The following GP1BA variants were observed in gnomAD, a reference collection of about 807,000 sequenced individuals.
GP1BA encodes the protein platelet glycoprotein Ib alpha chain.
In GP1BA, 3 loss-of-function variants were observed where a neutral mutation model predicts 5.6. The ratio of observed to expected loss-of-function variants is 0.53; its 90% confidence interval spans 0.24 to 1.38. The LOEUF (loss-of-function observed/expected upper bound fraction) is 1.38. GP1BA is among the 40% of genes most tolerant of loss of function. GP1BA has a pLI of 0.16. For synonymous variants in GP1BA, 323 were observed against 358.3 expected (o/e 0.90, Z 1.11); for missense variants, 707 against 801.4 (o/e 0.88, Z 1.42).
In GP1BA at chr17:4,934,719, A is replaced by G. The variant is rs1970397533; in HGVS notation, c.*156A>G. 6.6e-6 allele frequency: 5 copies of G among 752,300 alleles called. No individual in the cohort carries two copies. Among genetic ancestry groups the G allele is most frequent in the Non-Finnish European group, 1.1e-5 (5 of 448,480 alleles). The allele number at this position is 752,300 out of a possible 1,614,324, so 46.6% of individuals were successfully genotyped here. ...CCTGTCTTCACAACACAGGCACACA[A>G]TTTCAGTCCCAGCCAAAGCAGAAGG... On this transcript the variant is annotated 3_prime_UTR_variant, in exon 2 of 2. Transcript: ENST00000329125.
At position 4,934,173 on chromosome 17, in the gene GP1BA, CGACTTT is replaced by C. The variant is rs760957777; in HGVS notation, c.1570_1575del (p.Asp524_Phe525del). The stretch of plus-strand genomic sequence containing the variant: ...CCAGAAATGACCCTTTTCTCCACCC[CGACTTT>C]TGCTGCCTCCTCCCCCTGGGCTTCT... On this transcript the variant is annotated inframe_deletion, in exon 2 of 2. Coordinates refer to ENST00000329125, the MANE Select transcript of GP1BA (RefSeq NM_000173.7). The C allele has an allele frequency of 3.1e-6, 5 of 1,613,916 alleles. No individual in the cohort carries two copies. The South Asian group carries it at 4.4e-5, about 14-fold the overall frequency.
At position 4,932,401 on chromosome 17, in the gene GP1BA, C is replaced by T. The variant is rs1271615715; in HGVS notation, c.-7+36C>T. ...GTTGGTGCTGGGGCAGGAGAGGGGT[C>T]TGAGGGAGGGGAAAGAGCCAAGGAC... is the stretch of plus-strand genomic sequence containing the variant. On this transcript the variant is annotated intron_variant, in intron 1 of 1. Transcript: ENST00000329125. The surrounding 1 kb of genome is among the most constrained non-coding windows in gnomAD (Gnocchi z 4.8). The T allele has an allele frequency of 7.1e-7, 1 of 1,398,726 alleles. No homozygotes were observed. The highest frequency in any genetic ancestry group is 9.3e-7 in the Non-Finnish European group (1 of 1,072,286). The allele number at this position is 1,398,726 out of a possible 1,614,324, so 86.6% of individuals were successfully genotyped here.
rs1212461907 is a variant in GP1BA, at chr17:4,934,699, C to T, written c.*136C>T. On this transcript the variant is annotated 3_prime_UTR_variant, in exon 2 of 2. Transcript: ENST00000329125. ...CCTTTTTCTGTATCAGAAGCCCTGT[C>T]TTCACAACACAGGCACACAATTTCA... is the stretch of plus-strand genomic sequence containing the variant. 8.2e-6 allele frequency: 7 copies of T among 852,110 alleles called. No individual in the cohort carries two copies. The highest frequency in any genetic ancestry group is 1.7e-5 in the African/African-American group (1 of 59,070). The allele number at this position is 852,110 out of a possible 1,614,324, so 52.8% of individuals were successfully genotyped here.
In GP1BA at chr17:4,933,102, G is replaced by A. The variant is rs1416158715; in HGVS notation, c.498G>A (p.Leu166=). The A allele has an allele frequency of 6.2e-7, 1 of 1,613,794 alleles. No homozygotes were observed. The highest frequency in any genetic ancestry group is 1.3e-5 in the African/African-American group (1 of 74,928). Residue 166 remains leucine, a synonymous_variant, in exon 2 of 2, where the codon CTG becomes CTA. Coordinates refer to ENST00000329125, the MANE Select transcript of GP1BA (RefSeq NM_000173.7). ...PPGLLTPTPK[L]EKLSLANNNL... The stretch of plus-strand genomic sequence containing the variant: ...GGCTCCTGACGCCCACACCCAAGCT[G>A]GAGAAGCTCAGTCTGGCTAACAACA...
At position 4,933,867 on chromosome 17, in the gene GP1BA, G is replaced by A. The variant is rs774943025; in HGVS notation, c.1263G>A (p.Pro421=). 27 of 923,824 alleles carry A rather than the reference G, an allele frequency of 2.9e-5. No individual in the cohort carries two copies. The African/African-American group carries it at 3.7e-4, about 13-fold the overall frequency. 57.2% of individuals were successfully genotyped at this position (923,824 alleles called of 1,614,324 possible). ...PEPTSEPAPS[P]TTPEPTSEPA... ...CCACCTCAGAGCCCGCCCCCAGCCCGACCACCCCGGAGCCCACCTCAGAGC... is the reference window on the plus strand; with the variant it reads ...CCACCTCAGAGCCCGCCCCCAGCCCAACCACCCCGGAGCCCACCTCAGAGC... The change falls in exon 2 of 2, where the codon CCG becomes CCA. Residue 421 remains proline, a synonymous_variant. Coordinates refer to ENST00000329125, the MANE Select transcript of GP1BA (RefSeq NM_000173.7).
chr17:4,933,038 T>C lies in GP1BA; in HGVS notation c.434T>C (p.Leu145Pro), dbSNP rs771048666. 4.5e-5 allele frequency: 72 copies of C among 1,613,860 alleles called. No individual in the cohort carries two copies. Among genetic ancestry groups the C allele is most frequent in the African/African-American group, 5.3e-5 (4 of 74,920 alleles). The change falls in exon 2 of 2, where the codon CTC becomes CCC. Residue 145 changes from leucine (L) to proline (P), a missense_variant. By Grantham distance (98) the Leu-to-Pro change is moderately conservative. Around this residue, in one of 3 missense-constraint regions of GP1BA, gnomAD observed 442 missense variants for 498.8 expected, o/e 0.89. Coordinates refer to ENST00000329125, the MANE Select transcript of GP1BA (RefSeq NM_000173.7). ...ALRGLGELQE[L>P]YLKGNELKTL... ...CGTGGTCTTGGCGAACTCCAAGAGC[T>C]CTACCTGAAAGGCAATGAGCTGAAG... is the stretch of plus-strand genomic sequence containing the variant.
In GP1BA at chr17:4,934,118, G is replaced by A. The variant is rs200763874; in HGVS notation, c.1514G>A (p.Arg505His). The change falls in exon 2 of 2, where the codon CGT becomes CAT. Residue 505 changes from arginine to histidine, a missense_variant. Around this residue, in one of 3 missense-constraint regions of GP1BA, gnomAD observed 247 missense variants for 246.6 expected, o/e 1.00. Coordinates refer to ENST00000329125, the MANE Select transcript of GP1BA (RefSeq NM_000173.7). ...GAACTTGATCAGCCACCAAAGCTCC[G>A]TGGGGTGCTCCAAGGGCATTTGGAG... is the stretch of plus-strand genomic sequence containing the variant. ...IPELDQPPKL[R>H]GVLQGHLESS... The A allele has an allele frequency of 1.3e-5, 21 of 1,613,650 alleles. No homozygotes were observed. Among genetic ancestry groups the A allele is most frequent in the African/African-American group, 1.2e-4 (9 of 74,918 alleles).
chr17:4,934,415 C>G lies in GP1BA; in HGVS notation c.1811C>G (p.Thr604Ser). 1 of 1,614,092 alleles carries G rather than the reference C, an allele frequency of 6.2e-7. No individual in the cohort carries two copies. Among genetic ancestry groups the G allele is most frequent in the Non-Finnish European group, 8.5e-7 (1 of 1,179,912 alleles). The change falls in exon 2 of 2, where the codon ACT becomes AGT. Residue 604 changes from threonine (T) to serine (S), a missense_variant. This residue lies in a region of GP1BA where 247 missense variants were observed against 246.6 expected (regional missense o/e 1.00). Transcript: ENST00000329125. ...WLLFLRGSLPTFRSSLFLWVR... is the reference protein window; with the variant it reads ...WLLFLRGSLPSFRSSLFLWVR... ...CTCTTCCTTCGAGGTTCGCTTCCCA[C>G]TTTCCGCTCCAGCCTCTTCCTGTGG...
Position 4,934,648 on chromosome 17 carries a change from C to A in GP1BA, c.*85C>A. ...TTGGGGGTTGGAGGGGTAAGGAACA[C>A]AGGGTGATAGGGAGGGGTCTTAGTT... is the stretch of plus-strand genomic sequence containing the variant. On this transcript the variant is annotated 3_prime_UTR_variant, in exon 2 of 2. Coordinates refer to ENST00000329125, the MANE Select transcript of GP1BA (RefSeq NM_000173.7). The A allele has an allele frequency of 7.7e-7, 1 of 1,303,330 alleles. No homozygotes were observed. Among genetic ancestry groups the A allele is most frequent in the Non-Finnish European group, 1.0e-6 (1 of 979,798 alleles). The allele number at this position is 1,303,330 out of a possible 1,614,324, so 80.7% of individuals were successfully genotyped here. A position where few individuals can be genotyped will look rare whatever the true frequency, so the allele number is the denominator to read the frequency against.
rs1970372281 is a variant in GP1BA, at chr17:4,933,440, G to T, written c.836G>T (p.Gly279Val). 6.2e-7 allele frequency: 1 copy of T among 1,613,784 alleles called. No individual in the cohort carries two copies. The highest frequency in any genetic ancestry group is 1.1e-5 in the South Asian group (1 of 91,092). Residue 279 changes from glycine to valine, a missense_variant, in exon 2 of 2, where the codon GGG becomes GTG. Physicochemically the swap from Gly to Val is moderately radical, Grantham distance 109 (BLOSUM62 -3). Transcript: ENST00000329125. The stretch of plus-strand genomic sequence containing the variant: ...CCCGTCTACAAATACCCAGGAAAGG[G>T]GTGCCCCACCCTTGGTGATGAAGGT... Reference protein sequence around the residue: ...KFPVYKYPGKGCPTLGDEGDT... With the variant: ...KFPVYKYPGKVCPTLGDEGDT...
rs757869690 is a variant in GP1BA, at chr17:4,934,480, A to C, written c.1876A>C (p.Arg626=). The change falls in exon 2 of 2, where the codon AGG becomes CGG. Residue 626 remains arginine (R), a synonymous_variant. Coordinates refer to ENST00000329125, the MANE Select transcript of GP1BA (RefSeq NM_000173.7). ...NGRVGPLVAG[R]RPSALSQGRG... The stretch of plus-strand genomic sequence containing the variant: ...CCGTGTGGGGCCTCTAGTGGCAGGA[A>C]GGAGGCCCTCAGCTCTGAGTCAGGG... The C allele has an allele frequency of 9.3e-6, 15 of 1,613,912 alleles. No homozygotes were observed. The highest frequency in any genetic ancestry group is 1.3e-5 in the African/African-American group (1 of 74,944).
Position 4,932,432 on chromosome 17 carries a change from G to A in GP1BA, c.-7+67G>A. On this transcript the variant is annotated intron_variant, in intron 1 of 1. Coordinates refer to ENST00000329125, the MANE Select transcript of GP1BA (RefSeq NM_000173.7). This position sits in a 1 kb window ranked among gnomAD's most constrained non-coding sequence, Gnocchi z 4.8. Reference sequence around the variant, plus strand: ...GAGGGGAAAGAGCCAAGGACCTGGAGCTAGTAGTTTTAAGTTCTGCAGGCA... The same window carrying A: ...GAGGGGAAAGAGCCAAGGACCTGGAACTAGTAGTTTTAAGTTCTGCAGGCA... 2.2e-6 allele frequency: 3 copies of A among 1,356,990 alleles called. No individual in the cohort carries two copies. Among genetic ancestry groups the A allele is most frequent in the Non-Finnish European group, 2.9e-6 (3 of 1,029,370 alleles). The allele number at this position is 1,356,990 out of a possible 1,614,324, so 84.1% of individuals were successfully genotyped here.
Position 4,933,546 on chromosome 17 carries a change from C to A in GP1BA, c.942C>A (p.Phe314Leu), listed in dbSNP as rs746500390. 2.5e-6 allele frequency: 4 copies of A among 1,613,906 alleles called. No individual in the cohort carries two copies. Among genetic ancestry groups the A allele is most frequent in the Non-Finnish European group, 3.4e-6 (4 of 1,179,834 alleles). ...KVRATRTVVK[F>L]PTKAHTTPWG... ...GTGCCACAAGGACTGTGGTCAAGTT[C>A]CCCACCAAAGCCCATACAACCCCCT... The change falls in exon 2 of 2, where the codon TTC becomes TTA. Residue 314 changes from phenylalanine to leucine, a missense_variant. Phe to Leu is a conservative substitution (Grantham distance 22). Around this residue, in one of 3 missense-constraint regions of GP1BA, gnomAD observed 442 missense variants for 498.8 expected, o/e 0.89. Transcript: ENST00000329125.
Position 4,933,604 on chromosome 17 carries a change from C to G in GP1BA, c.1000C>G (p.Leu334Val), listed in dbSNP as rs984425541. The change falls in exon 2 of 2, where the codon CTA becomes GTA. Residue 334 changes from leucine to valine, a missense_variant. Physicochemically the swap from Leu to Val is conservative, Grantham distance 32. Transcript: ENST00000329125. ...GLFYSWSTAS[L>V]DSQMPSSLHP... ...ATTCTACTCATGGTCCACTGCTTCT[C>G]TAGACAGCCAAATGCCCTCCTCCTT... 5 of 1,613,932 alleles carry G rather than the reference C, an allele frequency of 3.1e-6. No homozygotes were observed. The highest frequency in any genetic ancestry group is 2.2e-5 in the East Asian group (1 of 44,874).
Position 4,932,444 on chromosome 17 carries a change from A to C in GP1BA, c.-7+79A>C. 2.2e-6 allele frequency: 3 copies of C among 1,336,244 alleles called. No individual in the cohort carries two copies. The highest frequency in any genetic ancestry group is 3.0e-6 in the Non-Finnish European group (3 of 1,010,164). 82.8% of individuals were successfully genotyped at this position (1,336,244 alleles called of 1,614,324 possible). ...CCAAGGACCTGGAGCTAGTAGTTTTAAGTTCTGCAGGCAAGGGTGGGAGAT... is the reference window on the plus strand; with the variant it reads ...CCAAGGACCTGGAGCTAGTAGTTTTCAGTTCTGCAGGCAAGGGTGGGAGAT... On this transcript the variant is annotated intron_variant, in intron 1 of 1. Coordinates refer to ENST00000329125, the MANE Select transcript of GP1BA (RefSeq NM_000173.7). The surrounding 1 kb of genome is among the most constrained non-coding windows in gnomAD (Gnocchi z 4.8).
At position 4,933,678 on chromosome 17, in the gene GP1BA, A is replaced by G. The variant is rs6067; in HGVS notation, c.1074A>G (p.Arg358=). 73,453 of 1,613,836 alleles carry G rather than the reference A, an allele frequency of 0.046. 2,978 individuals are homozygous for G. The highest frequency in any genetic ancestry group is 0.22 in the East Asian group (9,653 of 44,866). The change falls in exon 2 of 2, where the codon AGA becomes AGG. Residue 358 remains arginine (R), a synonymous_variant. Transcript: ENST00000329125. The part of the protein sequence containing the change: ...STKEQTTFPP[R]WTPNFTLHME... ...AGGAGCAGACCACATTCCCACCTAGATGGACCCCAAATTTCACACTTCACA... is the reference window on the plus strand; with the variant it reads ...AGGAGCAGACCACATTCCCACCTAGGTGGACCCCAAATTTCACACTTCACA...
Position 4,933,780 on chromosome 17 carries a change from C to T in GP1BA, c.1176C>T (p.Val392=). ...CAAGCCCGACCACCTCAGAGCCCGT[C>T]CCGGAGCCCGCCCCAAACATGACCA... ...PTPSPTTSEP[V]PEPAPNMTTL... The change falls in exon 2 of 2, where the codon GTC becomes GTT. Residue 392 remains valine (V), a synonymous_variant. Transcript: ENST00000329125. The T allele has an allele frequency of 1.2e-6, 2 of 1,613,708 alleles. No individual in the cohort carries two copies. Among genetic ancestry groups the T allele is most frequent in the Middle Eastern group, 1.6e-4 (1 of 6,062 alleles).
Position 4,932,501 on chromosome 17 carries a change from G to C in GP1BA, c.-6-98G>C. 1 of 1,243,878 alleles carries C rather than the reference G, an allele frequency of 8.0e-7. No individual in the cohort carries two copies. The highest frequency in any genetic ancestry group is 1.1e-6 in the Non-Finnish European group (1 of 923,600). 77.1% of individuals were successfully genotyped at this position (1,243,878 alleles called of 1,614,324 possible). A position where few individuals can be genotyped will look rare whatever the true frequency, so the allele number is the denominator to read the frequency against. Reference sequence around the variant, plus strand: ...AGGGAGGACAGGAGGTGTGGATGCTGTTTCTGGAAGCGAAGCTGCAGGGGG... The same window carrying C: ...AGGGAGGACAGGAGGTGTGGATGCTCTTTCTGGAAGCGAAGCTGCAGGGGG... On this transcript the variant is annotated intron_variant, in intron 1 of 1. Transcript: ENST00000329125. This position sits in a 1 kb window ranked among gnomAD's most constrained non-coding sequence, Gnocchi z 4.8.
Position 4,933,060 on chromosome 17 carries a change from G to A in GP1BA, c.456G>A (p.Leu152=). The change falls in exon 2 of 2, where the codon CTG becomes CTA. Residue 152 remains leucine, a synonymous_variant. Transcript: ENST00000329125. ...AGCTCTACCTGAAAGGCAATGAGCT[G>A]AAGACCCTGCCCCCAGGGCTCCTGA... is the stretch of plus-strand genomic sequence containing the variant. ...LQELYLKGNE[L]KTLPPGLLTP... 3 of 1,614,028 alleles carry A rather than the reference G, an allele frequency of 1.9e-6. No individual in the cohort carries two copies. In the Admixed American group the frequency reaches 5.0e-5, roughly 27 times the overall value.
Sources: gnomAD v4.1 joint callset for allele counts on GRCh38, gnomAD v4.1.1 for gene constraint, gnomAD v4.1.1 regional missense constraint, Gnocchi (gnomAD v3.1) non-coding constraint, MANE v1.5 for transcripts, NCBI Gene and HGNC (gene_info 2026-07-23, HGNC 2026-07-21) for gene names.